NOL4: variants seen among roughly 807,000 people sequenced by gnomAD.
NOL4 encodes the protein cancer/testis antigen 125.
A neutral mutation model predicts 75.9 loss-of-function variants in NOL4; 17 were observed. The ratio of observed to expected loss-of-function variants is 0.22; its 90% CI spans 0.15 to 0.34. The LOEUF is 0.34. Ranked by LOEUF, NOL4 falls within the 10% of genes least tolerant of loss-of-function variation. NOL4 has a pLI of 1.00. For missense variants in NOL4, 614 were observed against 793.5 expected, an observed-to-expected ratio of 0.77 and a Z score of 2.72; for synonymous variants, 292 against 289.9, an observed-to-expected ratio of 1.01 and a Z score of -0.07.
chr18:34,114,897 A>G (rs958223095), intron 2 of NOL4, among the ~76,000 whole-genome samples: 3 of 152,208 alleles, frequency 2.0e-5, no homozygotes, highest in African/African-American at 4.8e-5. Flanking sequence ...CAAGAAACCC[A>G]AAGTATCAAA....
intron 2 of NOL4, among the ~76,000 whole-genome samples, chr18:34,123,413 A>G (rs1188730110): frequency 6.6e-6 from 1 of 150,976 alleles, no homozygotes; most frequent in Non-Finnish European, 1.5e-5. Context: ...TGTAAAACCT[A>G]TATATGTTTG....
At chr18:33,954,971 T>C (rs1420592318) in intron 8 of NOL4, among the ~76,000 whole-genome samples, 1 of 151,996 alleles carries the variant, frequency 6.6e-6, no homozygotes, top group African/African-American at 2.4e-5. Flanking sequence ...AGAATGTGAA[T>C]GTAACCTGGG....
chr18:34,123,532 C>CATATATATATATAT (rs34954122), intron 2 of NOL4, among the ~76,000 whole-genome samples: 13 of 129,332 alleles, frequency 1.0e-4, no homozygotes, highest in African/African-American at 2.3e-4. Flanking sequence ...ATGTGATAAC[C>CATATATATATATAT]ATATATATAT....
At chr18:33,932,763 C>T (rs1160331439) in intron 9 of NOL4, among the ~76,000 whole-genome samples, 3 of 151,886 alleles carry the variant, frequency 2.0e-5, no homozygotes, top group Non-Finnish European at 4.4e-5. Context: ...GGGGCCCCAT[C>T]CTGAGCAATT....
At chr18:33,907,383 T>A (rs1233055645) in intron 9 of NOL4, among the ~76,000 whole-genome samples, 3 of 147,530 alleles carry the variant, frequency 2.0e-5, no homozygotes, top group African/African-American at 7.5e-5. Flanking sequence ...AAGAAGATAA[T>A]CTTTACCAAT....
chr18:33,874,124 T>C (rs1443402582), intron 10 of NOL4, among the ~76,000 whole-genome samples: 1 of 151,840 alleles, frequency 6.6e-6, no homozygotes, highest in African/African-American at 2.4e-5. Flanking sequence ...TTATGCACAT[T>C]TGGGAGTATT....
At chr18:34,053,146 G>T (rs972198575) in intron 5 of NOL4, among the ~76,000 whole-genome samples, 3 of 151,948 alleles carry the variant, frequency 2.0e-5, no homozygotes, top group African/African-American at 7.2e-5. Context: ...AAGAAAAAAT[G>T]GATTTCAGAT....
chr18:33,943,049 C>G lies in NOL4; in HGVS notation c.1542+16G>C, dbSNP rs1431138486. 6.4e-7 allele frequency: 1 copy of G among 1,560,166 alleles called. No individual in the cohort carries two copies. The highest frequency in any genetic ancestry group is 2.2e-5 in the East Asian group (1 of 44,510). On this transcript the variant is annotated intron_variant, in intron 9 of 10. Transcript: ENST00000261592. The stretch of plus-strand genomic sequence containing the variant: ...GCTATAGCTGGTGTTCACCAGACTT[C>G]AAGATGCCTCAGTACCTGCTGTCTC...
At chr18:34,076,416 G>C (rs1720144268) in intron 5 of NOL4, among the ~76,000 whole-genome samples, 1 of 152,172 alleles carries the variant, frequency 6.6e-6, no homozygotes, top group South Asian at 2.1e-4. Context: ...AGGTCATCCT[G>C]AATAGTGTAA....
chr18:34,150,590 T>C (rs2081599254), intron 1 of NOL4, among the ~76,000 whole-genome samples: 1 of 151,508 alleles, frequency 6.6e-6, no homozygotes, highest in Non-Finnish European at 1.5e-5. Flanking sequence ...AAACTGAAAA[T>C]GAATCCTAGA....
intron 6 of NOL4, among the ~76,000 whole-genome samples, chr18:33,980,873 G>A (rs2071895979): frequency 6.6e-6 from 1 of 151,948 alleles, no homozygotes; most frequent in Non-Finnish European, 1.5e-5. Flanking sequence ...CGCAGGTATG[G>A]CAGGCATGTT....
intron 5 of NOL4, among the ~76,000 whole-genome samples, chr18:34,032,105 G>A (rs141786769): frequency 2.4e-3 from 373 of 152,316 alleles, no homozygotes; most frequent in Non-Finnish European, 4.2e-3. Flanking sequence ...ATATTACTGC[G>A]TCTAAGGTGA....
chr18:33,996,252 C>A lies in NOL4; in HGVS notation c.1056+23066G>T, dbSNP rs545872801. The stretch of plus-strand genomic sequence containing the variant: ...TATTCACAGATGACATAATCTCATA[C>A]GGAGAAATTCCTAAGCAGTCTCCTA... On this transcript the variant is annotated intron_variant, in intron 6 of 10. Transcript: ENST00000261592. Among the ~76,000 whole-genome samples the A allele has an allele frequency of 6.6e-5, 10 of 151,654 alleles. No individual in the cohort carries two copies. In the East Asian group the frequency reaches 1.8e-3, roughly 27 times the overall value.
At chr18:33,927,893 C>T (rs532549585) in intron 9 of NOL4, among the ~76,000 whole-genome samples, 10 of 152,032 alleles carry the variant, frequency 6.6e-5, no homozygotes, top group South Asian at 2.1e-4. Context: ...CATGACACAC[C>T]GCTTCCTTTA....
intron 5 of NOL4, among the ~76,000 whole-genome samples, chr18:34,026,214 A>T (rs2075332659): frequency 6.6e-6 from 1 of 152,080 alleles, no homozygotes; most frequent in African/African-American, 2.4e-5. Context: ...GGTTTAGACA[A>T]TGAGAGACAC....
At chr18:33,949,897 T>A (rs928693482) in intron 8 of NOL4, among the ~76,000 whole-genome samples, 1 of 152,048 alleles carries the variant, frequency 6.6e-6, no homozygotes, top group Non-Finnish European at 1.5e-5. Context: ...TGACAACGCC[T>A]CTGATCAAGA....
intron 1 of NOL4, among the ~76,000 whole-genome samples, chr18:34,215,342 T>G (rs975115355): frequency 1.3e-5 from 2 of 152,212 alleles, no homozygotes; most frequent in Non-Finnish European, 2.9e-5. Context: ...ATACTGAACA[T>G]CAAAATGCAT....
intron 6 of NOL4, among the ~76,000 whole-genome samples, chr18:33,976,438 C>A (rs1478403290): frequency 6.6e-6 from 1 of 152,110 alleles, no homozygotes; most frequent in Non-Finnish European, 1.5e-5. Flanking sequence ...GATTTAACTC[C>A]TTTCCAAGTT....
At chr18:34,187,478 G>C (rs952561031) in intron 1 of NOL4, among the ~76,000 whole-genome samples, 2 of 143,822 alleles carry the variant, frequency 1.4e-5, no homozygotes, top group African/African-American at 5.2e-5. Context: ...CCGGGTTTAC[G>C]CCATTCTCCT....
Sources: gnomAD v4.1 joint callset for allele counts (sites outside exome capture counted in the v4.1 genomes callset) on GRCh38, gnomAD v4.1.1 for gene constraint, MANE v1.5 for transcripts, NCBI Gene and HGNC (gene_info 2026-07-23, HGNC 2026-07-21) for gene names.